ZNF532: variants seen among roughly 807,000 people sequenced by gnomAD.
ZNF532 encodes zinc finger protein 532.
A neutral mutation model predicts 89.3 loss-of-function variants in ZNF532; 22 were observed. The ratio of observed to expected loss-of-function variants is 0.25; its 90% CI spans 0.18 to 0.35. The LOEUF (loss-of-function observed/expected upper bound fraction) is 0.35. Among genes scored for constraint, ZNF532 ranks in the 10% least tolerant of loss-of-function variants. The pLI is 1.00. For missense variants in ZNF532, 1,132 were observed against 1,643.4 expected (o/e 0.69, Z 5.38); for synonymous variants, 606 against 649.6 (o/e 0.93, Z 1.02).
Position 58,979,119 on chromosome 18 carries a change from G to A in ZNF532, c.3215G>A (p.Arg1072Gln). The change falls in exon 8 of 10, where the codon CGG becomes CAG. Residue 1072 changes from arginine (R) to glutamine (Q), a missense_variant. By Grantham distance (43) the Arg-to-Gln change is conservative. This residue lies in a region of ZNF532 where 415 missense variants were observed against 604.8 expected (regional missense o/e 0.69). Transcript: ENST00000591808. The part of the protein sequence containing the change: ...KSFSSSHSLC[R>Q]HNRIKHKGIR... ...TTCAGCTCGTCCCACAGCCTGTGCC[G>A]GCACAACCGGATCAAGCACAAAGGC... The A allele has an allele frequency of 1.9e-6, 3 of 1,613,262 alleles. No homozygotes were observed. The highest frequency in any genetic ancestry group is 2.5e-6 in the Non-Finnish European group (3 of 1,179,344).
At position 58,919,517 on chromosome 18, in the gene ZNF532, A is replaced by G. The variant is rs763745968; in HGVS notation, c.1230A>G (p.Pro410=). ...MASVTSLLSS[P]ASAAVLSSPP... ...CTGTGACATCCCTTCTGTCGTCTCC[A>G]GCATCAGCCGCCGTCCTTTCCTCTC... The change falls in exon 3 of 10, where the codon CCA becomes CCG. Residue 410 remains proline, a synonymous_variant. Coordinates refer to ENST00000591808, the MANE Select transcript of ZNF532 (RefSeq NM_001375912.1). This position sits in a 1 kb window ranked among gnomAD's most constrained non-coding sequence, Gnocchi z 6.1. 1.2e-6 allele frequency: 2 copies of G among 1,614,160 alleles called. No homozygotes were observed. Among genetic ancestry groups the G allele is most frequent in the East Asian group, 2.2e-5 (1 of 44,872 alleles).
rs2068222896 is a variant in ZNF532 at position 58,984,598 on chromosome 18, TTCCTTCACCTCGTCG to T, written c.*134_*148del. On this transcript the variant is annotated 3_prime_UTR_variant, in exon 10 of 10. Coordinates refer to ENST00000591808, the MANE Select transcript of ZNF532 (RefSeq NM_001375912.1). ...GCAATATATTCTCTTTCAATGTACC[TTCCTTCACCTCGTCG>T]TATATATCCTCGATAAGTATTAAAA... 9.2e-7 allele frequency: 1 copy of T among 1,092,432 alleles called. No individual in the cohort carries two copies. The highest frequency in any genetic ancestry group is 2.9e-5 in the Admixed American group (1 of 34,594). The allele number at this position is 1,092,432 out of a possible 1,614,324, so 67.7% of individuals were successfully genotyped here. A position where few individuals can be genotyped will look rare whatever the true frequency, so the allele number is the denominator to read the frequency against.
rs200882873 is a variant in ZNF532, at chr18:58,918,389, C to G, written c.102C>G (p.His34Gln). The G allele has an allele frequency of 6.2e-7, 1 of 1,614,168 alleles. No individual in the cohort carries two copies. Reference protein sequence around the residue: ...VDPKAAIESGHDDHESHMKQN... With the variant: ...VDPKAAIESGQDDHESHMKQN... ...CTAAAGCAGCTATTGAGTCTGGACA[C>G]GATGACCATGAAAGCCACATGAAGC... Residue 34 changes from histidine to glutamine, a missense_variant, in exon 3 of 10, where the codon CAC becomes CAG. Coordinates refer to ENST00000591808, the MANE Select transcript of ZNF532 (RefSeq NM_001375912.1).
chr18:58,875,181 CT>C (rs540843616), intron 2 of ZNF532, among the ~76,000 whole-genome samples: 1 of 149,864 alleles, frequency 6.7e-6, no homozygotes, highest in Non-Finnish European at 1.5e-5. Flanking sequence ...AAAATTAAAA[CT>C]TTTTTTTCCT....
At chr18:58,982,982 C>G (rs1396039222) in intron 9 of ZNF532, among the ~76,000 whole-genome samples, 1 of 152,044 alleles carries the variant, frequency 6.6e-6, no homozygotes, top group African/African-American at 2.4e-5. Flanking sequence ...CATCGTGGTG[C>G]ACACGTATAG....
intron 2 of ZNF532, chr18:58,896,498 G>A (rs2059260065): frequency 6.6e-6 from 1 of 152,190 alleles, no homozygotes; most frequent in Non-Finnish European, 1.5e-5. Flanking sequence ...CCCATGTCTG[G>A]GCTGGGAAGG....
In ZNF532 at chr18:58,903,905, T is replaced by C. The variant is rs141034147; in HGVS notation, c.-17-14366T>C. Among the ~76,000 whole-genome samples, 1,394 of 152,358 alleles carry C rather than the reference T, an allele frequency of 9.1e-3. 36 individuals carry two copies. Among genetic ancestry groups the C allele is most frequent in the Admixed American group, 0.06 (918 of 15,292 alleles). ...AAACCGTGGACAATGTGTGCATTTA[T>C]AGATTGCCCTTTAGAGATTTAAGAA... On this transcript the variant is annotated intron_variant, in intron 2 of 9. Coordinates refer to ENST00000591808, the MANE Select transcript of ZNF532 (RefSeq NM_001375912.1).
chr18:58,949,244 G>A (rs2063931609), intron 6 of ZNF532, among the ~76,000 whole-genome samples: 1 of 152,032 alleles, frequency 6.6e-6, no homozygotes, highest in South Asian at 2.1e-4. Context: ...CTGCTTAACT[G>A]TCCACTGTAA....
At chr18:58,940,816 T>A (rs1307175298) in intron 5 of ZNF532, among the ~76,000 whole-genome samples, 1 of 152,068 alleles carries the variant, frequency 6.6e-6, no homozygotes, top group African/African-American at 2.4e-5. Context: ...TAGAGTTTGA[T>A]CATTACAAGA....
At chr18:58,930,574 G>C (rs1434635021) in intron 3 of ZNF532, among the ~76,000 whole-genome samples, 1 of 148,276 alleles carries the variant, frequency 6.7e-6, no homozygotes, top group Non-Finnish European at 1.5e-5. Flanking sequence ...GTTGCAGTGA[G>C]CTGAGATTAT....
intron 2 of ZNF532, among the ~76,000 whole-genome samples, chr18:58,904,652 T>G (rs967471802): frequency 3.9e-5 from 6 of 152,124 alleles, no homozygotes; most frequent in Admixed American, 2.0e-4. Flanking sequence ...AAGCTGTTAT[T>G]TCATATATTA....
chr18:58,979,000 T>G (rs757788001), intron 7 of ZNF532, 55 bp from the exon 8 acceptor site: 1 of 1,375,808 alleles, frequency 7.3e-7, no homozygotes, highest in African/African-American at 1.4e-5. Flanking sequence ...AGTTCTTAAT[T>G]GTTTGAGTGC....
At chr18:58,975,086 G>A (rs1377631044) in intron 7 of ZNF532, among the ~76,000 whole-genome samples, 1 of 152,212 alleles carries the variant, frequency 6.6e-6, no homozygotes, top group East Asian at 1.9e-4. Context: ...AGATTGCCCA[G>A]TGGAAGGGGT....
chr18:58,919,655 T>C lies in ZNF532; in HGVS notation c.1368T>C (p.Ser456=). The change falls in exon 3 of 10, where the codon TCT becomes TCC. Residue 456 remains serine, a synonymous_variant. Coordinates refer to ENST00000591808, the MANE Select transcript of ZNF532 (RefSeq NM_001375912.1). The surrounding 1 kb of genome is among the most constrained non-coding windows in gnomAD (Gnocchi z 6.1). ...KPVATAFLPV[S]AVKTAGSQVI... is the part of the protein sequence containing the mutation. Reference sequence around the variant, plus strand: ...TGGCTACTGCTTTCCTCCCAGTGTCTGCTGTGAAGACGGCAGGATCCCAAG... The same window carrying C: ...TGGCTACTGCTTTCCTCCCAGTGTCCGCTGTGAAGACGGCAGGATCCCAAG... 6.2e-7 allele frequency: 1 copy of C among 1,613,996 alleles called. No homozygotes were observed. Among genetic ancestry groups the C allele is most frequent in the Non-Finnish European group, 8.5e-7 (1 of 1,180,010 alleles).
At chr18:58,950,624 T>C (rs1194803586) in intron 6 of ZNF532, among the ~76,000 whole-genome samples, 2 of 152,204 alleles carry the variant, frequency 1.3e-5, no homozygotes, top group East Asian at 1.9e-4. Flanking sequence ...TGGGCTCTTA[T>C]TTGCCCAGTT....
At chr18:58,922,557 C>T (rs1382872017) in intron 3 of ZNF532, among the ~76,000 whole-genome samples, 1 of 152,202 alleles carries the variant, frequency 6.6e-6, no homozygotes, top group Non-Finnish European at 1.5e-5. Context: ...TAACCTAGCC[C>T]GGTGACAATG....
At chr18:58,924,012 G>A (rs914164032) in intron 3 of ZNF532, among the ~76,000 whole-genome samples, 1 of 152,026 alleles carries the variant, frequency 6.6e-6, no homozygotes, top group Admixed American at 6.6e-5. Flanking sequence ...ACACATCACC[G>A]CATCCAGCTA....
intron 8 of ZNF532, 27 bp from the exon 9 acceptor site, chr18:58,981,443 G>A (rs372487268): frequency 1.1e-4 from 172 of 1,604,092 alleles, no homozygotes; most frequent in Non-Finnish European, 1.3e-4. Flanking sequence ...CAGCAAGTGC[G>A]TTATCTCCTT....
intron 8 of ZNF532, chr18:58,980,411 A>G (rs2067616217): frequency 6.6e-6 from 1 of 152,198 alleles, no homozygotes; most frequent in Non-Finnish European, 1.5e-5. Context: ...ACGGCCAACA[A>G]AAAATTCATC....
Sources: allele counts gnomAD v4.1 joint callset (sites outside exome capture counted in the v4.1 genomes callset), GRCh38; gene constraint gnomAD v4.1.1; regional missense constraint gnomAD v4.1.1; non-coding constraint Gnocchi (gnomAD v3.1); transcripts MANE v1.5; gene names NCBI Gene and HGNC (gene_info 2026-07-23, HGNC 2026-07-21).